The following MYO16 variants were observed in gnomAD, a reference collection of about 807,000 sequenced individuals.
The protein encoded by MYO16 is myosin XVI, also known as unconventional myosin-XVI.
A neutral mutation model predicts 205.3 loss-of-function variants in MYO16; 94 were observed. The ratio of observed to expected loss-of-function variants is 0.46; its 90% CI spans 0.39 to 0.54. MYO16 has a LOEUF of 0.54. Ranked by LOEUF, MYO16 falls within the 20% of genes least tolerant of loss-of-function variation. MYO16 has a pLI of 0.00. For synonymous variants in MYO16, 988 were observed against 954.0 expected, an observed-to-expected ratio of 1.04 and a Z score of -0.66; for missense variants, 2,315 against 2,387.5, an observed-to-expected ratio of 0.97 and a Z score of 0.63.
At chr13:109,047,167 T>A (rs1887072289) in intron 24 of MYO16, among the ~76,000 whole-genome samples, 176 bp downstream of exon 24, 1 of 152,196 alleles carries the variant, frequency 6.6e-6, no homozygotes, top group Non-Finnish European at 1.5e-5. Context: ...ATATGTTGGC[T>A]ACAATGTAAT....
intron 1 of MYO16, among the ~76,000 whole-genome samples, chr13:108,603,085 C>T (rs1878824135): frequency 6.6e-6 from 1 of 152,036 alleles, no homozygotes; most frequent in Non-Finnish European, 1.5e-5. Flanking sequence ...GAGGGATTTG[C>T]TCTTTGTTTT....
chr13:109,019,636 G>A (rs891607004), intron 22 of MYO16, 75 bp from the exon 23 acceptor site: 12 of 1,167,700 alleles, frequency 1.0e-5, no homozygotes, highest in South Asian at 6.0e-5. Context: ...ATATAAGCAA[G>A]CATGCTTGAA....
rs552356437 is a variant in MYO16, at chr13:108,598,731, A to T, written c.-39+2492A>T. The stretch of plus-strand genomic sequence containing the variant: ...TCGCACCATTTTTATTCATTGGAAC[A>T]TAAAACTGCTTCAATTGATATCAAG... On this transcript the variant is annotated intron_variant, in intron 1 of 24. Coordinates refer to the MYO16 transcript ENST00000251041. Among the ~76,000 whole-genome samples the T allele has an allele frequency of 2.0e-5, 3 of 152,358 alleles. No individual in the cohort carries two copies. The South Asian group carries it at 6.2e-4, about 32-fold the overall frequency.
intron 21 of MYO16, among the ~76,000 whole-genome samples, chr13:108,993,377 G>C (rs1884900928): frequency 6.6e-6 from 1 of 152,078 alleles, no homozygotes; most frequent in African/African-American, 2.4e-5. Flanking sequence ...TAATTAAACA[G>C]GTTCTCGTGT....
the MYO16 span, among the ~76,000 whole-genome samples, chr13:108,566,328 A>G: frequency 0.044 from 6,676 of 152,238 alleles, 445 homozygotes; most frequent in African/African-American, 0.15. Flanking sequence ...TTCTGATAGT[A>G]GCCACTAATG....
At chr13:108,699,185 A>ACG (rs397795691) in intron 2 of MYO16, among the ~76,000 whole-genome samples, 5 of 150,940 alleles carry the variant, frequency 3.3e-5, no homozygotes, top group Non-Finnish European at 5.9e-5. Context: ...ATATACACAC[A>ACG]TGTATATATA....
chr13:108,534,887 CCTCTTTCTTCTT>C, the MYO16 span, among the ~76,000 whole-genome samples: 42 of 148,838 alleles, frequency 2.8e-4, no homozygotes, highest in African/African-American at 1.0e-3. Context: ...TTCTTCTTCT[CCTCTTTCTTCTT>C]CTCCTTCTTC....
the MYO16 span, among the ~76,000 whole-genome samples, chr13:108,588,061 A>G: frequency 6.6e-6 from 1 of 152,228 alleles, no homozygotes; most frequent in Non-Finnish European, 1.5e-5. Flanking sequence ...GTATTTTATT[A>G]ATACCATTTC....
rs916023683 is a variant in MYO16 at position 109,162,493 on chromosome 13, G to A, written c.5165-2408G>A. Among the ~76,000 whole-genome samples, 12 of 152,250 alleles carry A rather than the reference G, an allele frequency of 7.9e-5. No individual in the cohort carries two copies. The highest frequency in any genetic ancestry group is 1.9e-4 in the East Asian group (1 of 5,160). On this transcript the variant is annotated intron_variant, in intron 32 of 34. Coordinates refer to ENST00000457511, the MANE Select transcript of MYO16 (RefSeq NM_001198950.3). This position sits in a 1 kb window ranked among gnomAD's most constrained non-coding sequence, Gnocchi z 4.6. Reference sequence around the variant, plus strand: ...GTGGAGGTTGCCTTTCTAAAATCACGAGCTGAAATGCAACCTCATGGACCT... The same window carrying A: ...GTGGAGGTTGCCTTTCTAAAATCACAAGCTGAAATGCAACCTCATGGACCT...
intron 28 of MYO16, among the ~76,000 whole-genome samples, chr13:109,119,232 G>A (rs553219602): frequency 2.0e-5 from 3 of 152,152 alleles, no homozygotes; most frequent in African/African-American, 4.8e-5. Flanking sequence ...GTGTACACAC[G>A]TGCCAGCGTC....
chr13:108,654,820 T>G (rs1431890917), intron 1 of MYO16, among the ~76,000 whole-genome samples: 1 of 152,176 alleles, frequency 6.6e-6, no homozygotes, highest in African/African-American at 2.4e-5. Flanking sequence ...CTTGCTACGT[T>G]TTAGCAAAGA....
chr13:108,666,340 C>G (rs973427610), intron 2 of MYO16, among the ~76,000 whole-genome samples, 191 bp downstream of exon 2: 26 of 151,484 alleles, frequency 1.7e-4, no homozygotes, highest in African/African-American at 6.3e-4. Flanking sequence ...AAAAGTCCTA[C>G]CACCTAGTAA....
At chr13:108,958,294 A>G (rs1883459632) in intron 17 of MYO16, among the ~76,000 whole-genome samples, 1 of 150,274 alleles carries the variant, frequency 6.7e-6, no homozygotes, top group South Asian at 2.1e-4. Context: ...AGATCAAATA[A>G]CTTTATACTT....
At chr13:108,535,531 A>C in the MYO16 span, among the ~76,000 whole-genome samples, 2 of 152,180 alleles carry the variant, frequency 1.3e-5, no homozygotes, top group Admixed American at 1.3e-4. Context: ...TATTATTTGA[A>C]AAATATTATT....
intron 24 of MYO16, chr13:109,048,944 A>T (rs1231724010): frequency 2.4e-5 from 3 of 123,852 alleles, no homozygotes; most frequent in Non-Finnish European, 4.9e-5. Context: ...AGTAAAGTCT[A>T]CTTCACTCAA....
intron 2 of MYO16, among the ~76,000 whole-genome samples, chr13:108,687,736 G>C (rs889746494): frequency 6.6e-6 from 1 of 152,188 alleles, no homozygotes; most frequent in Admixed American, 6.5e-5. Context: ...TATAAAGTGT[G>C]ATTTTTTGGG....
chr13:108,670,963 T>C (rs1429683379), intron 2 of MYO16, among the ~76,000 whole-genome samples: 1 of 152,190 alleles, frequency 6.6e-6, no homozygotes, highest in Non-Finnish European at 1.5e-5. Context: ...AATGGATAAG[T>C]GTATTATGTA....
intron 20 of MYO16, among the ~76,000 whole-genome samples, chr13:108,978,847 G>A (rs764579765): frequency 4.6e-5 from 7 of 151,806 alleles, no homozygotes; most frequent in Non-Finnish European, 8.8e-5. Flanking sequence ...TTGGCTTTTG[G>A]ATACTGATTA....
the MYO16 span, among the ~76,000 whole-genome samples, chr13:108,546,402 G>T: frequency 6.6e-6 from 1 of 152,170 alleles, no homozygotes; most frequent in Non-Finnish European, 1.5e-5. Context: ...GACCCTGAAG[G>T]TGCATGTTGG....
Sources: gnomAD v4.1 joint callset for allele counts (sites outside exome capture counted in the v4.1 genomes callset) on GRCh38, gnomAD v4.1.1 for gene constraint, Gnocchi (gnomAD v3.1) non-coding constraint, MANE v1.5 for transcripts, NCBI Gene and HGNC (gene_info 2026-07-23, HGNC 2026-07-21) for gene names.